Variants in SLC4A2 observed in about 807,000 individuals in gnomAD.
SLC4A2 encodes the protein solute carrier family 4 member 2.
Under a neutral mutation model 115.0 loss-of-function variants are expected in SLC4A2, and 36 were observed. That is an observed-to-expected ratio of 0.31 (90% confidence interval 0.24 to 0.41). The LOEUF (loss-of-function observed/expected upper bound fraction) is 0.41. Ranked by LOEUF, SLC4A2 falls within the 10% of genes least tolerant of loss-of-function variation. The probability of loss-of-function intolerance (pLI) is 1.00; values close to 1 mark genes in which losing one functional copy is unlikely to be tolerated. For synonymous variants in SLC4A2, 708 were observed against 708.3 expected, an observed-to-expected ratio of 1.00 and a Z score of 0.01; for missense variants, 1,252 against 1,705.6, an observed-to-expected ratio of 0.73 and a Z score of 4.68.
chr7:151,074,429 C>G lies in SLC4A2; in HGVS notation c.2821C>G (p.Pro941Ala). The G allele has an allele frequency of 6.2e-7, 1 of 1,613,950 alleles. No individual in the cohort carries two copies. Among genetic ancestry groups the G allele is most frequent in the Non-Finnish European group, 8.5e-7 (1 of 1,180,012 alleles). Reference sequence around the variant, plus strand: ...GCGGGTGATTGGGGACTTTGGGGTGCCCATCGCCATCCTCATCATGGTGCT... The same window carrying G: ...GCGGGTGATTGGGGACTTTGGGGTGGCCATCGCCATCCTCATCATGGTGCT... The part of the protein sequence containing the change: ...IRRVIGDFGV[P>A]IAILIMVLVD... The change falls in exon 18 of 23, where the codon CCC becomes GCC. Residue 941 changes from proline to alanine, a missense_variant. Pro to Ala is a conservative substitution (Grantham distance 27). This residue lies in a region of SLC4A2 where 253 missense variants were observed against 407.4 expected (regional missense o/e 0.62). Transcript: ENST00000413384.
intron 1 of SLC4A2, 65 bp from the exon 2 acceptor site, chr7:151,061,860 C>A: frequency 2.5e-6 from 2 of 798,632 alleles, no homozygotes; most frequent in Non-Finnish European, 4.1e-6. Context: ...AGCAGCGCAG[C>A]CTGCGCGTGG....
chr7:151,062,986 G>A, intron 2 of SLC4A2: 2 of 1,421,602 alleles, frequency 1.4e-6, no homozygotes, highest in Non-Finnish European at 1.8e-6. Context: ...CCCCGCCCTT[G>A]GAGATCCCGA....
At position 151,075,791 on chromosome 7, in the gene SLC4A2, C is replaced by A. The variant is rs369571478; in HGVS notation, c.3471+16C>A. On this transcript the variant is annotated intron_variant, in intron 21 of 22. Transcript: ENST00000413384. ...CGTCAAGAAGGTGAGCCCCCCAGCT[C>A]CCCACCGGAAGGGGTGTGCCTCTGG... The A allele has an allele frequency of 6.3e-7, 1 of 1,594,566 alleles. No individual in the cohort carries two copies. Among genetic ancestry groups the A allele is most frequent in the African/African-American group, 1.3e-5 (1 of 74,488 alleles).
At chr7:151,062,784 A>T in intron 2 of SLC4A2, 1 of 1,364,172 alleles carries the variant, frequency 7.3e-7, no homozygotes, top group Non-Finnish European at 9.4e-7. Flanking sequence ...GGGAGCCAGG[A>T]GATGGACAGG....
intron 8 of SLC4A2, 81 bp downstream of exon 8, chr7:151,068,135 C>A: frequency 8.6e-7 from 1 of 1,169,492 alleles, no homozygotes; most frequent in Non-Finnish European, 1.1e-6. Flanking sequence ...TCTTGAGCCC[C>A]ACGTTGTGTG....
intron 8 of SLC4A2, 30 bp from the exon 9 acceptor site, chr7:151,069,917 T>C: frequency 6.2e-7 from 1 of 1,613,306 alleles, no homozygotes. Context: ...GACCTGGGGC[T>C]GAGGGGCCCT....
chr7:151,073,493 T>A (rs959840860), intron 16 of SLC4A2, among the ~76,000 whole-genome samples: 5 of 152,048 alleles, frequency 3.3e-5, no homozygotes, highest in African/African-American at 1.2e-4. Flanking sequence ...GGTTTCGAAC[T>A]CCTGACCTCA....
At position 151,071,011 on chromosome 7, in the gene SLC4A2, C is replaced by A; in HGVS notation, c.1750-61C>A. ...CCCACCCACTGGCCTTGCCCACCCT[C>A]AGCTCCAGGCCCTCAGCCCTCTTCT... On this transcript the variant is annotated intron_variant, in intron 12 of 22. Coordinates refer to ENST00000413384, the MANE Select transcript of SLC4A2 (RefSeq NM_003040.4). The surrounding 1 kb of genome is among the most constrained non-coding windows in gnomAD (Gnocchi z 5.5). The A allele has an allele frequency of 6.3e-7, 1 of 1,594,324 alleles. No homozygotes were observed. Among genetic ancestry groups the A allele is most frequent in the South Asian group, 1.1e-5 (1 of 89,568 alleles).
At position 151,071,280 on chromosome 7, in the gene SLC4A2, A is replaced by G. The variant is rs1341073925; in HGVS notation, c.1958A>G (p.Lys653Arg). The change falls in exon 13 of 23, where the codon AAA (lysine) becomes AGA (arginine). Residue 653 changes from lysine (K) to arginine (R), a missense_variant. Physicochemically the swap from Lys to Arg is conservative, Grantham distance 26 (BLOSUM62 2). Around this residue, in one of 14 missense-constraint regions of SLC4A2, gnomAD observed 122 missense variants for 116.8 expected, o/e 1.04. Transcript: ENST00000413384. The surrounding 1 kb of genome is among the most constrained non-coding windows in gnomAD (Gnocchi z 5.5). ...CCTACAGGGGCTGGGCTGGAGCCCA[A>G]ATCTGCCCAAGATAAGGGTACGGCC... ...LLPTGAGLEP[K>R]SAQDKALLQM... 6.4e-7 allele frequency: 1 copy of G among 1,557,022 alleles called. No homozygotes were observed.
rs755029670 is a variant in SLC4A2 at position 151,066,968 on chromosome 7, C to G, written c.941C>G (p.Pro314Arg). 1 of 1,604,510 alleles carries G rather than the reference C, an allele frequency of 6.2e-7. No homozygotes were observed. Among genetic ancestry groups the G allele is most frequent in the African/African-American group, 1.3e-5 (1 of 74,266 alleles). Residue 314 changes from proline (P) to arginine (R), a missense_variant, in exon 7 of 23, where the codon CCC becomes CGC. Coordinates refer to ENST00000413384, the MANE Select transcript of SLC4A2 (RefSeq NM_003040.4). ...CCTGGCCCCACACCTCGGGCCCGAC[C>G]CCGGGCCCCCCACAAGCCCCATGAG... Reference protein sequence around the residue: ...REPGPTPRARPRAPHKPHEVF... With the variant: ...REPGPTPRARRRAPHKPHEVF...
intron 1 of SLC4A2, chr7:151,061,510 G>A (rs2150365042): frequency 6.2e-6 from 1 of 162,308 alleles, no homozygotes; most frequent in East Asian, 1.7e-4. Context: ...TCTGGTCTCA[G>A]GCCCACCTCT....
At chr7:151,073,997 T>G (rs1263746165) in intron 16 of SLC4A2, 42 bp from the exon 17 acceptor site, 3 of 1,520,904 alleles carry the variant, frequency 2.0e-6, no homozygotes, top group African/African-American at 2.8e-5. Context: ...GAATCTTTTC[T>G]GCAGTCCAGC....
chr7:151,071,918 G>C lies in SLC4A2; in HGVS notation c.2341-24G>C. ...CCACAGCATCCCCACCCAGAGCTCA[G>C]GACCTGACTGCCCCTCCCTCCAGTT... is the stretch of plus-strand genomic sequence containing the variant. On this transcript the variant is annotated intron_variant, in intron 15 of 22. Coordinates refer to ENST00000413384, the MANE Select transcript of SLC4A2 (RefSeq NM_003040.4). This position sits in a 1 kb window ranked among gnomAD's most constrained non-coding sequence, Gnocchi z 5.5. The C allele has an allele frequency of 6.2e-7, 1 of 1,612,268 alleles. No individual in the cohort carries two copies. Among genetic ancestry groups the C allele is most frequent in the Non-Finnish European group, 8.5e-7 (1 of 1,178,630 alleles).
At chr7:151,066,112 G>A (rs1234268592) in intron 5 of SLC4A2, among the ~76,000 whole-genome samples, 1 of 152,166 alleles carries the variant, frequency 6.6e-6, no homozygotes, top group East Asian at 1.9e-4. Flanking sequence ...GGGGGTGAGG[G>A]GGCAGGGGGA....
rs769943044 is a variant in SLC4A2, at chr7:151,071,868, C to T, written c.2340+31C>T. ...GGCTCTTCTCGCCCATCTCCAGCCG[C>T]CCCTCCCGTGCCCTAGACACCTCCC... is the stretch of plus-strand genomic sequence containing the variant. On this transcript the variant is annotated intron_variant, in intron 15 of 22. Coordinates refer to ENST00000413384, the MANE Select transcript of SLC4A2 (RefSeq NM_003040.4). The surrounding 1 kb of genome is among the most constrained non-coding windows in gnomAD (Gnocchi z 5.5). 6.2e-7 allele frequency: 1 copy of T among 1,602,530 alleles called. No individual in the cohort carries two copies. The highest frequency in any genetic ancestry group is 2.2e-5 in the East Asian group (1 of 44,692).
At chr7:151,062,954 C>A in intron 2 of SLC4A2, 1 of 1,403,568 alleles carries the variant, frequency 7.1e-7, no homozygotes, top group Non-Finnish European at 9.2e-7. Flanking sequence ...CTGCTGGCAC[C>A]GCTATGGAGG....
rs1797443622 is a variant in SLC4A2 at position 151,071,637 on chromosome 7, G to A, written c.2191+32G>A. 1.2e-6 allele frequency: 2 copies of A among 1,613,054 alleles called. No homozygotes were observed. Among genetic ancestry groups the A allele is most frequent in the African/African-American group, 2.7e-5 (2 of 74,894 alleles). ...AGAGCCTTCAGGTAGGGGGCGGCGGGGACTGCCCAGGGCCTGGCCACCAGC... is the reference window on the plus strand; with the variant it reads ...AGAGCCTTCAGGTAGGGGGCGGCGGAGACTGCCCAGGGCCTGGCCACCAGC... On this transcript the variant is annotated intron_variant, in intron 14 of 22. Transcript: ENST00000413384. This position sits in a 1 kb window ranked among gnomAD's most constrained non-coding sequence, Gnocchi z 5.5.
chr7:151,063,606 C>T (rs1797128863), intron 2 of SLC4A2, among the ~76,000 whole-genome samples: 1 of 144,808 alleles, frequency 6.9e-6, no homozygotes, highest in Non-Finnish European at 1.5e-5. Flanking sequence ...TCTGAGGGGG[C>T]AGACTGCTGG....
At chr7:151,062,216 G>T (rs1797073371) in intron 2 of SLC4A2, among the ~76,000 whole-genome samples, 178 bp downstream of exon 2, 1 of 152,146 alleles carries the variant, frequency 6.6e-6, no homozygotes, top group Non-Finnish European at 1.5e-5. Context: ...GGGTAGTGGG[G>T]GTATCAGACG....
Sources: allele counts gnomAD v4.1 joint callset (sites outside exome capture counted in the v4.1 genomes callset), GRCh38; gene constraint gnomAD v4.1.1; regional missense constraint gnomAD v4.1.1; non-coding constraint Gnocchi (gnomAD v3.1); transcripts MANE v1.5; gene names NCBI Gene and HGNC (gene_info 2026-07-23, HGNC 2026-07-21).